Variants in DPP6 observed in about 807,000 individuals in gnomAD.
DPP6 encodes dipeptidyl peptidase like 6.
In DPP6, 69 loss-of-function variants were observed where a neutral mutation model predicts 122.6. The ratio of observed to expected loss-of-function variants is 0.56; its 90% CI spans 0.46 to 0.69. The LOEUF (loss-of-function observed/expected upper bound fraction) is 0.69, where lower values mean the gene tolerates loss of function less well. Ranked by LOEUF, DPP6 falls within the 30% of genes least tolerant of loss-of-function variation. The probability of loss-of-function intolerance (pLI) is 0.00; values close to 1 mark genes in which losing one functional copy is unlikely to be tolerated. For synonymous variants in DPP6, 418 were observed against 433.1 expected (o/e 0.97, Z 0.43); for missense variants, 928 against 1,116.9 (o/e 0.83, Z 2.41).
At chr7:154,346,736 G>T (rs1270004374) in intron 1 of DPP6, among the ~76,000 whole-genome samples, 1 of 152,196 alleles carries the variant, frequency 6.6e-6, no homozygotes, top group Non-Finnish European at 1.5e-5. Context: ...CAGGTAGGCT[G>T]AGCATCTGTA....
rs79940060 is a variant in DPP6, at chr7:154,180,788, A to G, written c.243+127725A>G. On this transcript the variant is annotated intron_variant, in intron 1 of 25. Coordinates refer to ENST00000377770, the MANE Select transcript of DPP6 (RefSeq NM_130797.4). Reference sequence around the variant, plus strand: ...TTCTTACCCATATTTTCAGTGATTAACAGTTTCTTGTGATGCAAGTTTTCT... The same window carrying G: ...TTCTTACCCATATTTTCAGTGATTAGCAGTTTCTTGTGATGCAAGTTTTCT... 4.0e-3 allele frequency among the ~76,000 whole-genome samples: 606 copies of G among 152,226 alleles called. 5 individuals carry two copies. The highest frequency in any genetic ancestry group is 0.014 in the African/African-American group (582 of 41,534).
At chr7:153,889,796 A>G (rs575118816) in intron 1 of DPP6, among the ~76,000 whole-genome samples, 6 of 152,372 alleles carry the variant, frequency 3.9e-5, no homozygotes, top group African/African-American at 1.4e-4. Flanking sequence ...CCATATTTTC[A>G]GAGTTATTTG....
intron 1 of DPP6, among the ~76,000 whole-genome samples, chr7:154,296,288 G>A (rs74547800): frequency 0.013 from 1,925 of 152,158 alleles, 29 homozygotes; most frequent in East Asian, 0.044. Context: ...GTTGCATCCA[G>A]TCTGTTCCAC....
At position 154,510,368 on chromosome 7, in the gene DPP6, C is replaced by T. The variant is rs531587483; in HGVS notation, c.458-30164C>T. 3.3e-5 allele frequency among the ~76,000 whole-genome samples: 5 copies of T among 152,096 alleles called. No homozygotes were observed. In the East Asian group the frequency reaches 9.7e-4, roughly 29 times the overall value. On this transcript the variant is annotated intron_variant, in intron 3 of 25. Transcript: ENST00000377770. Reference sequence around the variant, plus strand: ...TAACCTCAGAACTTAAAAATCATGCCAAGATGACCAAGATCCAAGATGATG... The same window carrying T: ...TAACCTCAGAACTTAAAAATCATGCTAAGATGACCAAGATCCAAGATGATG...
chr7:154,846,550 T>G (rs1801958210), intron 16 of DPP6, among the ~76,000 whole-genome samples: 1 of 152,202 alleles, frequency 6.6e-6, no homozygotes, highest in African/African-American at 2.4e-5. Flanking sequence ...ACAAGATTAT[T>G]TCATGAACGT....
chr7:153,781,588 T>C, the DPP6 span, among the ~76,000 whole-genome samples: 1 of 152,202 alleles, frequency 6.6e-6, no homozygotes, highest in Non-Finnish European at 1.5e-5. Flanking sequence ...TGAAAGCTTT[T>C]CTGCTCATCT....
intron 1 of DPP6, chr7:154,092,981 G>A (rs550609346): frequency 1.7e-4 from 26 of 152,036 alleles, no homozygotes; most frequent in African/African-American, 5.6e-4. Context: ...GCTATGCTGA[G>A]CTTCTCCACA....
intron 12 of DPP6, among the ~76,000 whole-genome samples, chr7:154,800,468 A>G (rs748055067): frequency 1.3e-5 from 2 of 152,250 alleles, no homozygotes; most frequent in Non-Finnish European, 2.9e-5. Flanking sequence ...TGGGCTTCAG[A>G]GAGGCCAAGG....
At chr7:154,266,159 C>T (rs1307337491) in intron 1 of DPP6, among the ~76,000 whole-genome samples, 1 of 152,120 alleles carries the variant, frequency 6.6e-6, no homozygotes, top group African/African-American at 2.4e-5. Flanking sequence ...ATTAACTAAA[C>T]CGATCAGACT....
At chr7:154,512,863 A>G (rs905446076) in intron 3 of DPP6, among the ~76,000 whole-genome samples, 2 of 152,194 alleles carry the variant, frequency 1.3e-5, no homozygotes, top group East Asian at 1.9e-4. Flanking sequence ...TTCAGTCATT[A>G]GACTAGACTC....
intron 1 of DPP6, among the ~76,000 whole-genome samples, chr7:154,390,409 GTTTTT>G (rs1383759611): frequency 1.3e-5 from 2 of 151,882 alleles, no homozygotes; most frequent in Non-Finnish European, 2.9e-5. Flanking sequence ...GAGAGTTTGA[GTTTTT>G]TTTATTCTTT....
chr7:154,027,993 T>G (rs1303023138), intron 1 of DPP6, among the ~76,000 whole-genome samples: 1 of 150,820 alleles, frequency 6.6e-6, no homozygotes, highest in South Asian at 2.1e-4. Flanking sequence ...TTTGTAAGCT[T>G]TAATTTTAGA....
At chr7:153,778,138 TTATATG>T in the DPP6 span, among the ~76,000 whole-genome samples, 1 of 150,268 alleles carries the variant, frequency 6.7e-6, no homozygotes, top group African/African-American at 2.5e-5. Context: ...TGAAGCTACT[TTATATG>T]TATATATTTA....
In DPP6 at chr7:154,108,129, C is replaced by T. The variant is rs1806304941; in HGVS notation, c.243+55066C>T. 2.0e-5 allele frequency among the ~76,000 whole-genome samples: 3 copies of T among 152,124 alleles called. 1 individual carries two copies. The highest frequency in any genetic ancestry group is 4.1e-4 in the South Asian group (2 of 4,822). ...CTTCTTTTCTCAGCTGGCTTCTGGG[C>T]AGATTCATGGCGCCAAAGGATGATG... On this transcript the variant is annotated intron_variant, in intron 1 of 25. Coordinates refer to ENST00000377770, the MANE Select transcript of DPP6 (RefSeq NM_130797.4).
intron 5 of DPP6, among the ~76,000 whole-genome samples, chr7:154,633,502 C>T (rs1318550206): frequency 6.6e-6 from 1 of 152,198 alleles, no homozygotes; most frequent in Non-Finnish European, 1.5e-5. Flanking sequence ...TCCCAAAGTG[C>T]TGGGATTACA....
the DPP6 span, among the ~76,000 whole-genome samples, chr7:153,833,796 C>G: frequency 6.6e-6 from 1 of 152,160 alleles, no homozygotes; most frequent in Non-Finnish European, 1.5e-5. Flanking sequence ...TCCTAAGTAA[C>G]TCTATCATAG....
chr7:154,414,111 C>G (rs573019409), intron 1 of DPP6, among the ~76,000 whole-genome samples: 1 of 152,296 alleles, frequency 6.6e-6, no homozygotes, highest in African/African-American at 2.4e-5. Context: ...CCACAACTTG[C>G]CAAAGGGCCA....
the DPP6 span, among the ~76,000 whole-genome samples, chr7:153,762,473 G>A: frequency 1.7e-3 from 252 of 152,108 alleles, no homozygotes; most frequent in African/African-American, 5.8e-3. Flanking sequence ...ATCTTCTAAG[G>A]GATTAAGACT....
intron 1 of DPP6, among the ~76,000 whole-genome samples, chr7:154,203,523 C>T (rs1196302881): frequency 6.6e-6 from 1 of 152,166 alleles, no homozygotes; most frequent in Admixed American, 6.5e-5. Flanking sequence ...TATCACTGCC[C>T]CTCCAGGTTT....
Sources: gnomAD v4.1 joint callset for allele counts (sites outside exome capture counted in the v4.1 genomes callset) on GRCh38, gnomAD v4.1.1 for gene constraint, MANE v1.5 for transcripts, NCBI Gene and HGNC (gene_info 2026-07-23, HGNC 2026-07-21) for gene names.